TMOD1: variants seen among roughly 807,000 people sequenced by gnomAD.
The protein encoded by TMOD1 is tropomodulin 1, also known as tropomodulin-1.
In TMOD1, 17 loss-of-function variants were observed where a neutral mutation model predicts 40.6. That is an observed-to-expected ratio of 0.42 (90% CI 0.29 to 0.63). The LOEUF (loss-of-function observed/expected upper bound fraction) is 0.63. Ranked by LOEUF, TMOD1 falls within the 20% of genes least tolerant of loss-of-function variation. The probability of loss-of-function intolerance (pLI) is 0.22; values close to 1 mark genes in which losing one functional copy is unlikely to be tolerated. For synonymous variants in TMOD1, 181 were observed against 175.0 expected (o/e 1.03, Z -0.27); for missense variants, 391 against 447.6 (o/e 0.87, Z 1.14).
intron 1 of TMOD1, among the ~76,000 whole-genome samples, chr9:97,519,660 T>A (rs896932659): frequency 1.3e-5 from 2 of 152,138 alleles, no homozygotes; most frequent in Non-Finnish European, 2.9e-5. Context: ...TGCCCAGGAT[T>A]CCAAGTACCC....
intron 8 of TMOD1, among the ~76,000 whole-genome samples, chr9:97,576,211 G>T (rs1239902845): frequency 6.6e-6 from 1 of 152,156 alleles, no homozygotes; most frequent in Non-Finnish European, 1.5e-5. Flanking sequence ...GGAGGCCAAG[G>T]AGGGAGCTCA....
chr9:97,568,924 G>A lies in TMOD1; in HGVS notation c.757G>A (p.Val253Met), dbSNP rs368223026. ...ALAEMLKENK[V>M]LKTLNVESNF... is the part of the protein sequence containing the mutation. ...TGCTGAGATGCTCAAGGAGAACAAGGTGTTGAAGACACTGAATGTGGAATC... is the reference window on the plus strand; with the variant it reads ...TGCTGAGATGCTCAAGGAGAACAAGATGTTGAAGACACTGAATGTGGAATC... Residue 253 changes from valine (V) to methionine (M), a missense_variant, in exon 8 of 10, where the codon GTG (valine) becomes ATG (methionine). Coordinates refer to ENST00000259365, the MANE Select transcript of TMOD1 (RefSeq NM_003275.4). 4 of 1,614,194 alleles carry A rather than the reference G, an allele frequency of 2.5e-6. No homozygotes were observed. Among genetic ancestry groups the A allele is most frequent in the East Asian group, 4.5e-5 (2 of 44,888 alleles).
intron 2 of TMOD1, among the ~76,000 whole-genome samples, chr9:97,536,624 G>A (rs922139191): frequency 6.6e-6 from 1 of 152,146 alleles, no homozygotes; most frequent in African/African-American, 2.4e-5. Flanking sequence ...GTTCCCAGAG[G>A]ACGGCAGTCA....
chr9:97,578,333 G>A (rs945499500), intron 8 of TMOD1, among the ~76,000 whole-genome samples: 3 of 152,190 alleles, frequency 2.0e-5, no homozygotes, highest in Non-Finnish European at 2.9e-5. Flanking sequence ...GATTACAGGC[G>A]TGAGCCACCG....
intron 9 of TMOD1, among the ~76,000 whole-genome samples, chr9:97,596,725 TG>T (rs1252764528): frequency 6.6e-6 from 1 of 152,160 alleles, no homozygotes; most frequent in Non-Finnish European, 1.5e-5. Context: ...GTAGCCTGAG[TG>T]CCCCCAAGTG....
chr9:97,503,435 A>G (rs1236030891), intron 1 of TMOD1, among the ~76,000 whole-genome samples: 1 of 152,240 alleles, frequency 6.6e-6, no homozygotes, highest in Non-Finnish European at 1.5e-5. Flanking sequence ...GACTTACAGA[A>G]AAAAGAATTA....
intron 2 of TMOD1, among the ~76,000 whole-genome samples, chr9:97,536,484 T>C (rs1408954647): frequency 6.6e-6 from 1 of 152,172 alleles, no homozygotes; most frequent in Admixed American, 6.5e-5. Context: ...TCAATGCCCC[T>C]GGACCTCGGT....
chr9:97,580,375 GA>G (rs1252850092), intron 8 of TMOD1, among the ~76,000 whole-genome samples: 1 of 152,218 alleles, frequency 6.6e-6, no homozygotes, highest in Non-Finnish European at 1.5e-5. Flanking sequence ...GGGAGGCCAA[GA>G]CGGGTGGATC....
At chr9:97,505,637 A>G (rs759592486) in intron 1 of TMOD1, among the ~76,000 whole-genome samples, 1 of 151,920 alleles carries the variant, frequency 6.6e-6, no homozygotes, top group African/African-American at 2.4e-5. Flanking sequence ...ATTCACTCCC[A>G]CGACTCCAGT....
chr9:97,548,871 C>T (rs1830407705), intron 3 of TMOD1, among the ~76,000 whole-genome samples: 1 of 152,162 alleles, frequency 6.6e-6, no homozygotes, highest in East Asian at 1.9e-4. Flanking sequence ...AAGTGGAGGT[C>T]TCAGAGCCAG....
At chr9:97,570,070 C>T (rs1196834544) in intron 8 of TMOD1, among the ~76,000 whole-genome samples, 2 of 152,144 alleles carry the variant, frequency 1.3e-5, no homozygotes, top group African/African-American at 4.8e-5. Flanking sequence ...GAGACTATCA[C>T]AAGTTTTTAA....
chr9:97,570,701 A>C (rs1830804600), intron 8 of TMOD1, among the ~76,000 whole-genome samples: 1 of 152,108 alleles, frequency 6.6e-6, no homozygotes, highest in Non-Finnish European at 1.5e-5. Flanking sequence ...TCCTTATCTC[A>C]GTGCCCAGCT....
rs1397465186 is a variant in TMOD1, at chr9:97,601,074, G to A, written c.*1376G>A. The A allele has an allele frequency of 2.3e-6, 3 of 1,304,152 alleles. No individual in the cohort carries two copies. Among genetic ancestry groups the A allele is most frequent in the Non-Finnish European group, 3.0e-6 (3 of 988,958 alleles). The allele number at this position is 1,304,152 out of a possible 1,614,324, so 80.8% of individuals were successfully genotyped here. A position where few individuals can be genotyped will look rare whatever the true frequency, so the allele number is the denominator to read the frequency against. On this transcript the variant is annotated 3_prime_UTR_variant, in exon 10 of 10. Coordinates refer to ENST00000259365, the MANE Select transcript of TMOD1 (RefSeq NM_003275.4). ...AGGCAGTGGGCAGTACAGGGTAACTGGAGGCGGGGCCAGGGCCTCAGCGCT... is the reference window on the plus strand; with the variant it reads ...AGGCAGTGGGCAGTACAGGGTAACTAGAGGCGGGGCCAGGGCCTCAGCGCT...
At chr9:97,509,734 C>T (rs1034468639) in intron 1 of TMOD1, among the ~76,000 whole-genome samples, 2 of 151,944 alleles carry the variant, frequency 1.3e-5, no homozygotes, top group Admixed American at 6.6e-5. Context: ...AAAGGGTATA[C>T]CAATGTAACT....
intron 2 of TMOD1, among the ~76,000 whole-genome samples, chr9:97,535,634 A>C (rs1331733508): frequency 6.6e-6 from 1 of 152,148 alleles, no homozygotes; most frequent in African/African-American, 2.4e-5. Context: ...AACATGGAAC[A>C]TTTTCCCTGC....
intron 9 of TMOD1, among the ~76,000 whole-genome samples, chr9:97,598,230 G>A (rs866687295): frequency 1.3e-5 from 2 of 148,654 alleles, no homozygotes; most frequent in Admixed American, 6.8e-5. Context: ...TCAGGAGGCT[G>A]AAGCAGGAGA....
At chr9:97,552,894 G>A (rs1051122683) in intron 3 of TMOD1, among the ~76,000 whole-genome samples, 1 of 152,138 alleles carries the variant, frequency 6.6e-6, no homozygotes, top group Non-Finnish European at 1.5e-5. Context: ...TTATTTGTTT[G>A]TTTAGAAATG....
At chr9:97,551,916 T>C (rs142194707) in intron 3 of TMOD1, among the ~76,000 whole-genome samples, 2 of 152,348 alleles carry the variant, frequency 1.3e-5, no homozygotes, top group African/African-American at 4.8e-5. Flanking sequence ...GTTGAATTTA[T>C]TCCCAAGTTT....
chr9:97,568,910 T>G lies in TMOD1; in HGVS notation c.743T>G (p.Leu248Arg). The change falls in exon 8 of 10, where the codon CTC becomes CGC. Residue 248 changes from leucine (L) to arginine (R), a missense_variant. Physicochemically the swap from Leu to Arg is moderately radical, Grantham distance 102 (BLOSUM62 -2). Coordinates refer to ENST00000259365, the MANE Select transcript of TMOD1 (RefSeq NM_003275.4). ...DPVAYALAEM[L>R]KENKVLKTLN... ...TGCTTCAAGGCCCTTGCTGAGATGCTCAAGGAGAACAAGGTGTTGAAGACA... is the reference window on the plus strand; with the variant it reads ...TGCTTCAAGGCCCTTGCTGAGATGCGCAAGGAGAACAAGGTGTTGAAGACA... 1 of 1,614,108 alleles carries G rather than the reference T, an allele frequency of 6.2e-7. No individual in the cohort carries two copies. The highest frequency in any genetic ancestry group is 1.1e-5 in the South Asian group (1 of 91,070).
Sources: gnomAD v4.1 joint callset for allele counts (sites outside exome capture counted in the v4.1 genomes callset) on GRCh38, gnomAD v4.1.1 for gene constraint, MANE v1.5 for transcripts, NCBI Gene and HGNC (gene_info 2026-07-23, HGNC 2026-07-21) for gene names.